SGCZ: variants seen among roughly 807,000 people sequenced by gnomAD.
SGCZ encodes sarcoglycan zeta.
SGCZ carries 40 observed loss-of-function variants against 41.3 expected under a neutral mutation model. The observed-to-expected ratio is 0.97, with a 90% CI of 0.75 to 1.26. The LOEUF (loss-of-function observed/expected upper bound fraction) is 1.26, where lower values mean the gene tolerates loss of function less well. Among genes scored for constraint, SGCZ ranks in the 50% most tolerant of loss-of-function variants. The probability of loss-of-function intolerance (pLI) is 0.00; values close to 1 mark genes in which losing one functional copy is unlikely to be tolerated. For missense variants in SGCZ, 552 were observed against 369.8 expected (o/e 1.49, Z -4.04); for synonymous variants, 206 against 137.5 (o/e 1.50, Z -3.49).
chr8:14,329,350 T>G (rs1195449679), intron 2 of SGCZ, among the ~76,000 whole-genome samples: 1 of 152,210 alleles, frequency 6.6e-6, no homozygotes, highest in Non-Finnish European at 1.5e-5. Context: ...GTAAGTGAAT[T>G]ACTATTGGAC....
At chr8:14,898,885 G>T (rs770741870) in intron 1 of SGCZ, among the ~76,000 whole-genome samples, 1 of 152,078 alleles carries the variant, frequency 6.6e-6, no homozygotes, top group Non-Finnish European at 1.5e-5. Flanking sequence ...ACTGAGCTGG[G>T]GTTTAGAGAG....
At chr8:14,359,467 C>G (rs1161703800) in intron 2 of SGCZ, among the ~76,000 whole-genome samples, 1 of 151,936 alleles carries the variant, frequency 6.6e-6, no homozygotes, top group Non-Finnish European at 1.5e-5. Context: ...AAGGACAAAC[C>G]ATACGTTATG....
At chr8:15,208,910 G>GAGAC (rs1483643762) in intron 1 of SGCZ, among the ~76,000 whole-genome samples, 1 of 146,800 alleles carries the variant, frequency 6.8e-6, no homozygotes, top group Non-Finnish European at 1.5e-5. Flanking sequence ...TATAGAGAGA[G>GAGAC]AGAGAGAGAG....
chr8:14,345,464 A>C (rs575528381), intron 2 of SGCZ, among the ~76,000 whole-genome samples: 1 of 152,306 alleles, frequency 6.6e-6, no homozygotes, highest in African/African-American at 2.4e-5. Context: ...ACAAATGGCA[A>C]ATAAATGTAT....
chr8:15,048,570 T>G (rs1212146617), intron 1 of SGCZ, among the ~76,000 whole-genome samples: 1 of 152,110 alleles, frequency 6.6e-6, no homozygotes, highest in Admixed American at 6.6e-5. Context: ...ATTGTGTACA[T>G]GTATCAAAAT....
Position 14,400,033 on chromosome 8 carries a change from T to A in SGCZ, c.235-75829A>T, listed in dbSNP as rs528072059. Among the ~76,000 whole-genome samples the A allele has an allele frequency of 3.3e-5, 5 of 151,428 alleles. No homozygotes were observed. In the South Asian group the frequency reaches 1.1e-3, roughly 32 times the overall value. ...TTAAGCCCCTGTTCCCTTCCCCCAATAAGCCCTAGGCAATTGCTAATCTAC... is the reference window on the plus strand; with the variant it reads ...TTAAGCCCCTGTTCCCTTCCCCCAAAAAGCCCTAGGCAATTGCTAATCTAC... On this transcript the variant is annotated intron_variant, in intron 2 of 7. Coordinates refer to ENST00000382080, the MANE Select transcript of SGCZ (RefSeq NM_139167.4).
chr8:14,832,843 ATGTATG>A (rs1802578713), intron 1 of SGCZ, among the ~76,000 whole-genome samples: 1 of 152,160 alleles, frequency 6.6e-6, no homozygotes, highest in Admixed American at 6.5e-5. Flanking sequence ...TTTTTCTAAT[ATGTATG>A]TTGCATAAAA....
intron 1 of SGCZ, among the ~76,000 whole-genome samples, chr8:15,073,327 T>A (rs531310519): frequency 6.6e-6 from 1 of 152,270 alleles, no homozygotes; most frequent in African/African-American, 2.4e-5. Context: ...ATCCTAATTT[T>A]ATTTTCCGAG....
chr8:15,134,145 A>G (rs1419871692), intron 1 of SGCZ, among the ~76,000 whole-genome samples: 1 of 152,190 alleles, frequency 6.6e-6, no homozygotes, highest in African/African-American at 2.4e-5. Flanking sequence ...TCCTTTAAAA[A>G]TCAAGCTTTA....
At chr8:15,211,570 C>T (rs1375463636) in intron 1 of SGCZ, among the ~76,000 whole-genome samples, 1 of 152,068 alleles carries the variant, frequency 6.6e-6, no homozygotes, top group African/African-American at 2.4e-5. Context: ...CTTGCCACAC[C>T]GACTACATAT....
At chr8:14,980,914 C>G (rs1431144983) in intron 1 of SGCZ, among the ~76,000 whole-genome samples, 2 of 152,160 alleles carry the variant, frequency 1.3e-5, no homozygotes, top group Admixed American at 6.5e-5. Flanking sequence ...TTTAGTCTAT[C>G]TCGCTTCTCA....
chr8:14,762,176 CT>C (rs529188237), intron 1 of SGCZ, among the ~76,000 whole-genome samples: 2,383 of 152,134 alleles, frequency 0.016, 31 homozygotes, highest in Non-Finnish European at 0.025. Context: ...ATATTCATTT[CT>C]TTTGAGTATT....
chr8:14,429,596 T>C (rs1799885758), intron 2 of SGCZ, among the ~76,000 whole-genome samples: 1 of 152,176 alleles, frequency 6.6e-6, no homozygotes, highest in Admixed American at 6.5e-5. Flanking sequence ...TATTTGTAAA[T>C]ATCTTCTTTG....
chr8:15,165,607 C>T (rs1201400952), intron 1 of SGCZ, among the ~76,000 whole-genome samples: 1 of 152,114 alleles, frequency 6.6e-6, no homozygotes, highest in Non-Finnish European at 1.5e-5. Flanking sequence ...CAAGTTTTAC[C>T]TTGAAGTTCA....
intron 1 of SGCZ, among the ~76,000 whole-genome samples, chr8:14,971,524 A>T (rs1293588231): frequency 6.6e-6 from 1 of 151,750 alleles, no homozygotes; most frequent in African/African-American, 2.4e-5. Flanking sequence ...ACAGTTTAAG[A>T]GCATTTATTC....
In SGCZ at chr8:15,227,233, C is replaced by T. The variant is rs80218229; in HGVS notation, c.39+10352G>A. 9.0e-3 allele frequency among the ~76,000 whole-genome samples: 1,368 copies of T among 152,226 alleles called. 23 individuals carry two copies. Among genetic ancestry groups the T allele is most frequent in the African/African-American group, 0.031 (1,290 of 41,528 alleles). On this transcript the variant is annotated intron_variant, in intron 1 of 7. Transcript: ENST00000382080. The stretch of plus-strand genomic sequence containing the variant: ...AGAGGGAATAGAAAAATACCATAGA[C>T]AAAATCCCATACAAATTTTATGTAT...
chr8:14,654,350 C>A (rs950706915), intron 1 of SGCZ, among the ~76,000 whole-genome samples: 1 of 151,958 alleles, frequency 6.6e-6, no homozygotes. Flanking sequence ...ATCCAGGCTG[C>A]TCACTGTGCC....
intron 1 of SGCZ, among the ~76,000 whole-genome samples, chr8:14,589,001 G>A (rs1479829696): frequency 6.6e-6 from 1 of 151,826 alleles, no homozygotes; most frequent in Non-Finnish European, 1.5e-5. Flanking sequence ...TTCTCTTTTT[G>A]CCTACCACTA....
At chr8:14,531,324 A>G (rs1230356386) in intron 2 of SGCZ, among the ~76,000 whole-genome samples, 1 of 151,644 alleles carries the variant, frequency 6.6e-6, no homozygotes, top group African/African-American at 2.4e-5. Context: ...TTGCTCAATA[A>G]AATTCTACTC....
Sources: gnomAD v4.1 joint callset for allele counts (sites outside exome capture counted in the v4.1 genomes callset) on GRCh38, gnomAD v4.1.1 for gene constraint, MANE v1.5 for transcripts, NCBI Gene and HGNC (gene_info 2026-07-23, HGNC 2026-07-21) for gene names.